Variants in ADCY5 observed in about 807,000 individuals in gnomAD.
ADCY5 encodes adenylate cyclase type 5.
ADCY5 carries 30 observed loss-of-function variants against 119.7 expected under a neutral mutation model. The observed-to-expected ratio is 0.25, with a 90% CI of 0.19 to 0.34. The LOEUF (loss-of-function observed/expected upper bound fraction) is 0.34, where lower values mean the gene tolerates loss of function less well. ADCY5 is among the 10% of genes least tolerant of loss of function. The pLI is 1.00. For synonymous variants in ADCY5, 753 were observed against 762.2 expected, an observed-to-expected ratio of 0.99 and a Z score of 0.20; for missense variants, 1,324 against 1,775.2, an observed-to-expected ratio of 0.75 and a Z score of 4.57.
chr3:123,447,550 G>A lies in ADCY5; in HGVS notation c.996C>T (p.Thr332=), dbSNP rs146379370. The A allele has an allele frequency of 1.5e-4, 240 of 1,609,436 alleles. 4 individuals are homozygous for A. In the East Asian group the frequency reaches 4.1e-3, roughly 28 times the overall value. ...PRSASEGIWW[T]VFFIYTIYTL... ...TGTAGATGGTGTAGATGAAGAACAC[G>A]GTCCACCAGATGCCCTCAGAGGCGC... Residue 332 remains threonine (T), a synonymous_variant, in exon 1 of 21, where the codon ACC becomes ACT. Coordinates refer to ENST00000462833, the MANE Select transcript of ADCY5 (RefSeq NM_183357.3).
At chr3:123,425,746 C>T (rs981212018) in intron 1 of ADCY5, among the ~76,000 whole-genome samples, 1 of 150,704 alleles carries the variant, frequency 6.6e-6, no homozygotes, top group Non-Finnish European at 1.5e-5. Context: ...GAGCCCTGGC[C>T]CCAGCTTACA....
chr3:123,296,171 G>A lies in ADCY5; in HGVS notation c.2976C>T (p.Ile992=). The change falls in exon 17 of 21, where the codon ATC becomes ATT. Residue 992 remains isoleucine (I), a synonymous_variant. Transcript: ENST00000462833. The part of the protein sequence containing the change: ...TKVALKVVTP[I]IISVFVLALY... ...GGGCCAGCACAAAGACTGAGATGATGATGGGCGTCACCACCTTCAATGCCA... is the reference window on the plus strand; with the variant it reads ...GGGCCAGCACAAAGACTGAGATGATAATGGGCGTCACCACCTTCAATGCCA... 6.2e-7 allele frequency: 1 copy of A among 1,613,964 alleles called. No individual in the cohort carries two copies. The highest frequency in any genetic ancestry group is 8.5e-7 in the Non-Finnish European group (1 of 1,179,988).
Position 123,447,598 on chromosome 3 carries a change from G to T in ADCY5, c.948C>A (p.Gly316=). ...CGCTGCGTGGCTGCGGCAGCAGCAGGCCCACCACCTGGACGGCCAGCACCA... is the reference window on the plus strand; with the variant it reads ...CGCTGCGTGGCTGCGGCAGCAGCAGTCCCACCACCTGGACGGCCAGCACCA... ...IAVVLAVQVV[G]LLLPQPRSAS... Residue 316 remains glycine (G), a synonymous_variant, in exon 1 of 21, where the codon GGC becomes GGA. Coordinates refer to ENST00000462833, the MANE Select transcript of ADCY5 (RefSeq NM_183357.3). 6.2e-7 allele frequency: 1 copy of T among 1,607,734 alleles called. No homozygotes were observed. Among genetic ancestry groups the T allele is most frequent in the Non-Finnish European group, 8.5e-7 (1 of 1,179,018 alleles).
At chr3:123,368,589 T>C (rs916898169) in intron 1 of ADCY5, among the ~76,000 whole-genome samples, 44 of 152,032 alleles carry the variant, frequency 2.9e-4, no homozygotes, top group African/African-American at 1.0e-3. Flanking sequence ...AGATCGAGAC[T>C]GTCTCAAAAA....
At chr3:123,358,783 C>T (rs952445544) in intron 1 of ADCY5, among the ~76,000 whole-genome samples, 1 of 152,118 alleles carries the variant, frequency 6.6e-6, no homozygotes, top group Non-Finnish European at 1.5e-5. Context: ...CTTCTAAAAC[C>T]CCAGCACTTC....
rs944264150 is a variant in ADCY5 at position 123,355,244 on chromosome 3, A to C, written c.1135-2663T>G. 4.6e-5 allele frequency among the ~76,000 whole-genome samples: 7 copies of C among 152,382 alleles called. No homozygotes were observed. In the East Asian group the frequency reaches 1.3e-3, roughly 29 times the overall value. On this transcript the variant is annotated intron_variant, in intron 1 of 20. Transcript: ENST00000462833. ...TAAAAACTACCAGAATTAATATGCA[A>C]GTTTAGAAAAGTCATAGGATACAAG...
chr3:123,311,585 C>T (rs1368962942), intron 12 of ADCY5, among the ~76,000 whole-genome samples: 1 of 152,206 alleles, frequency 6.6e-6, no homozygotes, highest in Non-Finnish European at 1.5e-5. Context: ...AGAAAGCGGA[C>T]AAACCCTGAG....
rs560155189 is a variant in ADCY5 at position 123,327,492 on chromosome 3, A to C, written c.1947+126T>G. 9.5e-6 allele frequency: 10 copies of C among 1,048,058 alleles called. No homozygotes were observed. The East Asian group carries it at 2.1e-4, about 22-fold the overall frequency. 64.9% of individuals were successfully genotyped at this position (1,048,058 alleles called of 1,614,324 possible). On this transcript the variant is annotated intron_variant, in intron 7 of 20. Coordinates refer to ENST00000462833, the MANE Select transcript of ADCY5 (RefSeq NM_183357.3). ...ACTGCCGGGGTCCTTTTTAAGATGC[A>C]GGAACCGCAACTGCATAAGAAATTC...
intron 7 of ADCY5, 120 bp from the exon 8 acceptor site, chr3:123,325,582 C>T: frequency 7.6e-7 from 1 of 1,322,874 alleles, no homozygotes; most frequent in Non-Finnish European, 1.1e-6. Context: ...TTCCTCTCTG[C>T]ACAGCCCTGG....
intron 12 of ADCY5, among the ~76,000 whole-genome samples, chr3:123,305,168 G>A (rs1338485506): frequency 6.6e-6 from 1 of 152,190 alleles, no homozygotes; most frequent in Non-Finnish European, 1.5e-5. Context: ...TCTCCTATTT[G>A]TACGGCTCTT....
chr3:123,420,480 A>G (rs994650680), intron 1 of ADCY5, among the ~76,000 whole-genome samples: 2 of 152,162 alleles, frequency 1.3e-5, no homozygotes, highest in South Asian at 2.1e-4. Flanking sequence ...GGTGAGAGGC[A>G]GGAAGGTAGG....
chr3:123,351,189 T>C (rs1220882881), intron 2 of ADCY5, among the ~76,000 whole-genome samples: 6 of 151,764 alleles, frequency 4.0e-5, no homozygotes, highest in Non-Finnish European at 7.4e-5. Context: ...AGGTGGGGAC[T>C]GGGGGGCCTG....
intron 19 of ADCY5, among the ~76,000 whole-genome samples, chr3:123,288,981 A>G (rs575803788): frequency 6.6e-6 from 1 of 152,200 alleles, no homozygotes; most frequent in African/African-American, 2.4e-5. Flanking sequence ...TTGGATGAGC[A>G]GCCACTGGAA....
Position 123,284,478 on chromosome 3 carries a change from T to TC in ADCY5, c.*129dup. On this transcript the variant is annotated 3_prime_UTR_variant, in exon 21 of 21. Transcript: ENST00000462833. ...AGCAAAGGCAGAAGCTGCTCTGGAG[T>TC]CCAAGTGGAAAATCTCAGCAGCGCA... The TC allele has an allele frequency of 7.0e-7, 1 of 1,418,548 alleles. No homozygotes were observed. Among genetic ancestry groups the TC allele is most frequent in the Non-Finnish European group, 9.5e-7 (1 of 1,052,618 alleles). The allele number at this position is 1,418,548 out of a possible 1,614,324, so 87.9% of individuals were successfully genotyped here.
intron 19 of ADCY5, among the ~76,000 whole-genome samples, chr3:123,288,306 C>T (rs2108172894): frequency 6.6e-6 from 1 of 152,298 alleles, no homozygotes; most frequent in East Asian, 1.9e-4. Context: ...AACTGAAATG[C>T]CGGTACTTTT....
At chr3:123,310,727 C>T (rs1460118624) in intron 12 of ADCY5, among the ~76,000 whole-genome samples, 2 of 152,156 alleles carry the variant, frequency 1.3e-5, no homozygotes, top group Admixed American at 6.5e-5. Context: ...CAGAAGAAAG[C>T]ACTCAAGGGT....
chr3:123,416,984 A>G (rs1253806196), intron 1 of ADCY5, among the ~76,000 whole-genome samples: 2 of 152,184 alleles, frequency 1.3e-5, no homozygotes, highest in African/African-American at 4.8e-5. Flanking sequence ...GAGAATCCTC[A>G]TCCGACCCCA....
intron 1 of ADCY5, among the ~76,000 whole-genome samples, chr3:123,411,369 C>T (rs1197585953): frequency 1.3e-5 from 2 of 152,170 alleles, no homozygotes; most frequent in Non-Finnish European, 2.9e-5. Flanking sequence ...AAGCAGGGAG[C>T]AGACCCCTGA....
chr3:123,285,793 C>G (rs997215775), intron 20 of ADCY5, among the ~76,000 whole-genome samples: 3 of 152,210 alleles, frequency 2.0e-5, no homozygotes, highest in African/African-American at 7.2e-5. Flanking sequence ...CTCTCCTTTG[C>G]ACAGGGATGG....
Sources: gnomAD v4.1 joint callset for allele counts (sites outside exome capture counted in the v4.1 genomes callset) on GRCh38, gnomAD v4.1.1 for gene constraint, MANE v1.5 for transcripts, NCBI Gene and HGNC (gene_info 2026-07-23, HGNC 2026-07-21) for gene names.